The following AGRN variants were observed in gnomAD, a reference collection of about 807,000 sequenced individuals.
AGRN encodes agrin proteoglycan.
Under a neutral mutation model 211.0 loss-of-function variants are expected in AGRN, and 106 were observed. That is an observed-to-expected ratio of 0.50 (90% confidence interval 0.43 to 0.59). The LOEUF is 0.59. Among genes scored for constraint, AGRN ranks in the 20% least tolerant of loss-of-function variants. The probability of loss-of-function intolerance (pLI) is 0.00; values close to 1 mark genes in which losing one functional copy is unlikely to be tolerated. For synonymous variants in AGRN, 1,525 were observed against 1,332.5 expected, an observed-to-expected ratio of 1.14 and a Z score of -3.15; for missense variants, 3,040 against 2,982.6, an observed-to-expected ratio of 1.02 and a Z score of -0.45.
In AGRN at chr1:1,044,145, A is replaced by G. The variant is rs1223072134; in HGVS notation, c.2036A>G (p.Asp679Gly). 1.2e-6 allele frequency: 2 copies of G among 1,613,068 alleles called. No homozygotes were observed. The highest frequency in any genetic ancestry group is 2.2e-5 in the South Asian group (2 of 91,068). The change falls in exon 11 of 36, where the codon GAC (aspartate) becomes GGC (glycine). Residue 679 changes from aspartate to glycine, a missense_variant. Physicochemically the swap from Asp to Gly is moderately conservative, Grantham distance 94. Around this residue, in one of 3 missense-constraint regions of AGRN, gnomAD observed 1,498 missense variants for 1,457.8 expected, o/e 1.03. Coordinates refer to ENST00000379370, the MANE Select transcript of AGRN (RefSeq NM_198576.4). ...CGSGGSGSGE[D>G]GDCEQELCRQ... The stretch of plus-strand genomic sequence containing the variant: ...TCCGGAGGCTCTGGCTCTGGGGAGG[A>G]CGGTGACTGTGAGCAGGAGCTGTGC...
rs749918192 is a variant in AGRN, at chr1:1,043,904, C to T, written c.1880C>T (p.Pro627Leu). 1.1e-5 allele frequency: 18 copies of T among 1,609,194 alleles called. No individual in the cohort carries two copies. Among genetic ancestry groups the T allele is most frequent in the South Asian group, 3.3e-5 (3 of 90,964 alleles). The change falls in exon 10 of 36, where the codon CCG (proline) becomes CTG (leucine). Residue 627 changes from proline (P) to leucine (L), a missense_variant. Around this residue, in one of 3 missense-constraint regions of AGRN, gnomAD observed 1,498 missense variants for 1,457.8 expected, o/e 1.03. Transcript: ENST00000379370. The stretch of plus-strand genomic sequence containing the variant: ...GTGTGTCCCCGGTGTGAGCACCCCC[C>T]GCCCGGCCCCGTGTGTGGCAGCGAC... Reference protein sequence around the residue: ...QCVCPRCEHPPPGPVCGSDGV... With the variant: ...QCVCPRCEHPLPGPVCGSDGV...
In AGRN at chr1:1,044,442, G is replaced by A; in HGVS notation, c.2254+3G>A. On this transcript the variant is annotated splice_donor_region_variant and intron_variant, in intron 12 of 35. Coordinates refer to ENST00000379370, the MANE Select transcript of AGRN (RefSeq NM_198576.4). ...AGCGGCCCAGGGAGCCTGCCGAGGT[G>A]AGCCGGCTGCACGTGGGGTCTCAGG... 3 of 1,604,812 alleles carry A rather than the reference G, an allele frequency of 1.9e-6. No homozygotes were observed. The highest frequency in any genetic ancestry group is 2.6e-6 in the Non-Finnish European group (3 of 1,176,192).
intron 2 of AGRN, among the ~76,000 whole-genome samples, chr1:1,033,409 C>G (rs1352829306): frequency 6.6e-6 from 1 of 151,684 alleles, no homozygotes; most frequent in Non-Finnish European, 1.5e-5. Flanking sequence ...CCCCGAGCCC[C>G]CTGCGGCGAC....
rs1413523887 is a variant in AGRN at position 1,043,331 on chromosome 1, G to A, written c.1477G>A (p.Ala493Thr). The change falls in exon 8 of 36, where the codon GCG becomes ACG. Residue 493 changes from alanine to threonine, a missense_variant. Around this residue, in one of 3 missense-constraint regions of AGRN, gnomAD observed 1,498 missense variants for 1,457.8 expected, o/e 1.03. Transcript: ENST00000379370. ...GCAGGCAGCGTGTGAATGCCTGCAG[G>A]CGTGCTCGAGCCTCTACGATCCTGT... ...NGQAACECLQ[A>T]CSSLYDPVCG... 6.2e-7 allele frequency: 1 copy of A among 1,608,210 alleles called. No individual in the cohort carries two copies. Among genetic ancestry groups the A allele is most frequent in the Non-Finnish European group, 8.5e-7 (1 of 1,178,568 alleles).
At chr1:1,021,071 G>C (rs1266031747) in intron 1 of AGRN, among the ~76,000 whole-genome samples, 1 of 152,186 alleles carries the variant, frequency 6.6e-6, no homozygotes, top group Non-Finnish European at 1.5e-5. Flanking sequence ...GGGGGACCCA[G>C]AGCCGGCGCC....
At position 1,043,708 on chromosome 1, in the gene AGRN, C is replaced by A; in HGVS notation, c.1774C>A (p.His592Asn). 1 of 1,600,710 alleles carries A rather than the reference C, an allele frequency of 6.2e-7. No homozygotes were observed. ...VHACTHQISLHVASAGPCETC... is the reference protein window; with the variant it reads ...VHACTHQISLNVASAGPCETC... ...CGCCTGCACACACCAGATCAGCCTG[C>A]ACGTGGCCTCAGCTGGACCCTGTGG... Residue 592 changes from histidine (H) to asparagine (N), a missense_variant, in exon 9 of 36, where the codon CAC becomes AAC. His to Asn is a moderately conservative substitution (Grantham distance 68, BLOSUM62 1). Transcript: ENST00000379370.
intron 2 of AGRN, among the ~76,000 whole-genome samples, chr1:1,026,395 G>C (rs1644521857): frequency 6.6e-6 from 1 of 152,192 alleles, no homozygotes; most frequent in Non-Finnish European, 1.5e-5. Flanking sequence ...GCAGAAGGCG[G>C]GATGGGGCTG....
chr1:1,046,658 G>C lies in AGRN; in HGVS notation c.3173G>C (p.Gly1058Ala), dbSNP rs764133196. Reference sequence around the variant, plus strand: ...CCCAGCCTGGTGGCGTCCGCCTTTGGTGAATCTGGCAGCACTGATGGAAGC... The same window carrying C: ...CCCAGCCTGGTGGCGTCCGCCTTTGCTGAATCTGGCAGCACTGATGGAAGC... ...PAPSLVASAF[G>A]ESGSTDGSSD... The change falls in exon 18 of 36, where the codon GGT becomes GCT. Residue 1058 changes from glycine (G) to alanine (A), a missense_variant. Transcript: ENST00000379370. 20 of 1,594,718 alleles carry C rather than the reference G, an allele frequency of 1.3e-5. 1 individual carries two copies. The South Asian group carries it at 2.2e-4, about 18-fold the overall frequency.
At chr1:1,037,890 C>T (rs1644838120) in intron 3 of AGRN, among the ~76,000 whole-genome samples, 1 of 151,940 alleles carries the variant, frequency 6.6e-6, no homozygotes, top group African/African-American at 2.4e-5. Context: ...GCGTGTGTGC[C>T]ATCACCACGT....
At chr1:1,042,251 G>A in intron 7 of AGRN, 89 bp downstream of exon 7, 1 of 1,445,878 alleles carries the variant, frequency 6.9e-7, no homozygotes, top group East Asian at 2.4e-5. Context: ...CATCCATCAT[G>A]TTCCTCTTGG....
At position 1,050,793 on chromosome 1, in the gene AGRN, G is replaced by T; in HGVS notation, c.5209G>T (p.Ala1737Ser). 3 of 1,599,966 alleles carry T rather than the reference G, an allele frequency of 1.9e-6. No homozygotes were observed. Among genetic ancestry groups the T allele is most frequent in the African/African-American group, 1.3e-5 (1 of 74,890 alleles). The change falls in exon 30 of 36, where the codon GCC becomes TCC. Residue 1737 changes from alanine to serine, a missense_variant. Ala to Ser is a moderately conservative substitution (Grantham distance 99, BLOSUM62 1). Coordinates refer to ENST00000379370, the MANE Select transcript of AGRN (RefSeq NM_198576.4). ...ACTGGAGCGAAACGGCCGCAAGGGT[G>T]CCCTGCGTGTGGGCGACGGCCCCCG... ...VSLERNGRKG[A>S]LRVGDGPRVL...
intron 2 of AGRN, among the ~76,000 whole-genome samples, chr1:1,028,203 G>A (rs530704247): frequency 3.3e-5 from 5 of 152,252 alleles, no homozygotes; most frequent in African/African-American, 1.2e-4. Context: ...ACACGGGGCG[G>A]AAGAGAGGGC....
intron 12 of AGRN, among the ~76,000 whole-genome samples, chr1:1,044,721 G>A (rs1250204656): frequency 3.3e-5 from 5 of 152,160 alleles, no homozygotes; most frequent in Admixed American, 2.0e-4. Context: ...CTCTGCATAC[G>A]TCCATCCGGT....
At chr1:1,035,475 A>G (rs1644781763) in intron 3 of AGRN, 151 bp downstream of exon 3, 1 of 1,093,538 alleles carries the variant, frequency 9.1e-7, no homozygotes, top group Non-Finnish European at 1.4e-6. Context: ...GGGAGTCCGC[A>G]GCGGTGGGCC....
Position 1,055,118 on chromosome 1 carries a change from C to T in AGRN, c.*137C>T, listed in dbSNP as rs922007614. On this transcript the variant is annotated 3_prime_UTR_variant, in exon 36 of 36. Coordinates refer to ENST00000379370, the MANE Select transcript of AGRN (RefSeq NM_198576.4). ...CCTCCCTTCCGTCCAGGCAGCCGTG[C>T]TGCAGACAGACCTAGTGCCGAGGGA... 6 of 1,388,116 alleles carry T rather than the reference C, an allele frequency of 4.3e-6. No homozygotes were observed. The East Asian group carries it at 7.5e-5, about 17-fold the overall frequency. The allele number at this position is 1,388,116 out of a possible 1,614,324, so 86.0% of individuals were successfully genotyped here.
At chr1:1,046,371 C>G in intron 17 of AGRN, 26 bp from the exon 18 acceptor site, 1 of 1,606,666 alleles carries the variant, frequency 6.2e-7, no homozygotes, top group African/African-American at 1.3e-5. Context: ...CAACCGGTCC[C>G]CCCGCCAACC....
intron 3 of AGRN, among the ~76,000 whole-genome samples, chr1:1,040,410 T>C (rs1373367374): frequency 6.6e-6 from 1 of 152,132 alleles, no homozygotes; most frequent in Non-Finnish European, 1.5e-5. Flanking sequence ...TCTCCGCGCC[T>C]GCAGGTGCGG....
intron 2 of AGRN, among the ~76,000 whole-genome samples, chr1:1,025,523 C>T (rs891077242): frequency 6.6e-6 from 1 of 152,102 alleles, no homozygotes; most frequent in Non-Finnish European, 1.5e-5. Flanking sequence ...CCAGCCCCCT[C>T]TCCTGCCCAG....
In AGRN at chr1:1,045,145, G is replaced by A. The variant is rs779589340; in HGVS notation, c.2255-16G>A. The stretch of plus-strand genomic sequence containing the variant: ...CAGCACTGCATGAAATCTGAGTCCC[G>A]TACCCTTTCCTGCAGGCCCCACCTT... On this transcript the variant is annotated splice_polypyrimidine_tract_variant and intron_variant, in intron 12 of 35. Transcript: ENST00000379370. 12 of 1,610,132 alleles carry A rather than the reference G, an allele frequency of 7.5e-6. No homozygotes were observed. The highest frequency in any genetic ancestry group is 2.2e-5 in the East Asian group (1 of 44,870).
Sources: allele counts gnomAD v4.1 joint callset (sites outside exome capture counted in the v4.1 genomes callset), GRCh38; gene constraint gnomAD v4.1.1; regional missense constraint gnomAD v4.1.1; transcripts MANE v1.5; gene names NCBI Gene and HGNC (gene_info 2026-07-23, HGNC 2026-07-21).